CECR2: variants seen among roughly 807,000 people sequenced by gnomAD.
CECR2 encodes the protein CECR2 histone acetyl-lysine reader.
CECR2 carries 30 observed loss-of-function variants against 154.5 expected under a neutral mutation model. The ratio of observed to expected loss-of-function variants is 0.19; its 90% CI spans 0.15 to 0.26. The LOEUF is 0.26. CECR2 is among the 10% of genes least tolerant of loss of function. The pLI is 1.00. For synonymous variants in CECR2, 725 were observed against 683.7 expected (o/e 1.06, Z -0.94); for missense variants, 1,743 against 1,829.3 (o/e 0.95, Z 0.86).
chr22:17,535,743 A>T (rs1023596486), intron 9 of CECR2, among the ~76,000 whole-genome samples: 31 of 152,136 alleles, frequency 2.0e-4, no homozygotes, highest in African/African-American at 7.5e-4. Context: ...AAAAAAAATA[A>T]TTTTTAAAAA....
chr22:17,396,781 C>G (rs554954780), intron 1 of CECR2, among the ~76,000 whole-genome samples: 10 of 152,112 alleles, frequency 6.6e-5, no homozygotes, highest in Non-Finnish European at 1.0e-4. Context: ...GTAGAAAGAT[C>G]ACTTCACTGT....
intron 1 of CECR2, among the ~76,000 whole-genome samples, chr22:17,451,273 G>T (rs901145347): frequency 6.6e-6 from 1 of 152,178 alleles, no homozygotes; most frequent in Non-Finnish European, 1.5e-5. Context: ...AGGTGAAAAG[G>T]GAGACAGGGA....
chr22:17,398,192 G>A (rs2053840803), intron 1 of CECR2, among the ~76,000 whole-genome samples: 1 of 149,748 alleles, frequency 6.7e-6, no homozygotes, highest in Non-Finnish European at 1.5e-5. Context: ...TTGCATTTTG[G>A]TATAACAAAG....
intron 1 of CECR2, among the ~76,000 whole-genome samples, chr22:17,437,618 C>G (rs566649428): frequency 6.6e-6 from 1 of 152,164 alleles, no homozygotes; most frequent in Non-Finnish European, 1.5e-5. Flanking sequence ...TTACTGTAGA[C>G]ATACTTTGTA....
chr22:17,399,536 G>A (rs1167551779), intron 1 of CECR2, among the ~76,000 whole-genome samples: 2 of 151,298 alleles, frequency 1.3e-5, no homozygotes, highest in Non-Finnish European at 2.9e-5. Context: ...TCCTGCCTCA[G>A]CCTCCTGAGT....
At chr22:17,405,714 C>G (rs1013804406) in intron 1 of CECR2, among the ~76,000 whole-genome samples, 5 of 150,064 alleles carry the variant, frequency 3.3e-5, no homozygotes, top group African/African-American at 7.3e-5. Flanking sequence ...TTATATTACT[C>G]TTGTATCTGT....
rs149586819 is a variant in CECR2 at position 17,529,990 on chromosome 22, C to A, written c.1108+5719C>A. 1.9e-3 allele frequency among the ~76,000 whole-genome samples: 292 copies of A among 152,182 alleles called. 3 individuals are homozygous for A. Among genetic ancestry groups the A allele is most frequent in the African/African-American group, 6.6e-3 (274 of 41,534 alleles). ...AACAAGCTTTGTGTGACATTCTAAG[C>A]GGATTTTATTCTGCAGGTCCTTTTA... On this transcript the variant is annotated intron_variant, in intron 9 of 18. Transcript: ENST00000262608.
chr22:17,400,066 A>C (rs749630049), intron 1 of CECR2, among the ~76,000 whole-genome samples: 1 of 152,158 alleles, frequency 6.6e-6, no homozygotes, highest in African/African-American at 2.4e-5. Context: ...ATTACTTTTT[A>C]AAAAATCTGA....
At chr22:17,485,667 G>A (rs550889875) in intron 2 of CECR2, among the ~76,000 whole-genome samples, 85 of 152,238 alleles carry the variant, frequency 5.6e-4, no homozygotes, top group Non-Finnish European at 9.6e-4. Flanking sequence ...CCAGGTACTC[G>A]GGAGGCTGAG....
At chr22:17,412,807 A>G (rs889961203) in intron 1 of CECR2, among the ~76,000 whole-genome samples, 3 of 151,984 alleles carry the variant, frequency 2.0e-5, no homozygotes, top group African/African-American at 7.2e-5. Context: ...AACCATGACC[A>G]CCTTTGGCAG....
At chr22:17,398,736 A>C (rs540609896) in intron 1 of CECR2, among the ~76,000 whole-genome samples, 6 of 152,250 alleles carry the variant, frequency 3.9e-5, no homozygotes, top group African/African-American at 1.2e-4. Context: ...AATTGTGCCA[A>C]CTTATAAATT....
rs183967768 is a variant in CECR2 at position 17,491,315 on chromosome 22, G to A, written c.222-6088G>A. On this transcript the variant is annotated intron_variant, in intron 2 of 18. Coordinates refer to ENST00000262608, the MANE Select transcript of CECR2 (RefSeq NM_001290047.2). ...TGCACACTTAGCCTTCCCACCGGCC[G>A]TGTGTGAGGATTCCGTGTCTCTGCA... Among the ~76,000 whole-genome samples the A allele has an allele frequency of 1.3e-3, 202 of 152,192 alleles. 1 individual carries two copies. The highest frequency in any genetic ancestry group is 2.3e-3 in the Non-Finnish European group (159 of 67,994).
At position 17,542,449 on chromosome 22, in the gene CECR2, T is replaced by C; in HGVS notation, c.2306T>C (p.Val769Ala). The C allele has an allele frequency of 6.2e-7, 1 of 1,613,870 alleles. No individual in the cohort carries two copies. ...MYRSYKYLNR[V>A]HSAVWNGNHG... ...CGATCGTACAAGTACCTGAATCGAG[T>C]ACACTCTGCCGTCTGGAATGGGAAC... The change falls in exon 16 of 19, where the codon GTA (valine) becomes GCA (alanine). Residue 769 changes from valine to alanine, a missense_variant. Transcript: ENST00000262608.
At position 17,528,817 on chromosome 22, in the gene CECR2, T is replaced by C. The variant is rs559390388; in HGVS notation, c.1108+4546T>C. On this transcript the variant is annotated intron_variant, in intron 9 of 18. Coordinates refer to ENST00000262608, the MANE Select transcript of CECR2 (RefSeq NM_001290047.2). Reference sequence around the variant, plus strand: ...TCCCAAAGTGCTGGGAATACAAGCGTGAGCACACACCCAGCCAGAAGTACT... The same window carrying C: ...TCCCAAAGTGCTGGGAATACAAGCGCGAGCACACACCCAGCCAGAAGTACT... Among the ~76,000 whole-genome samples the C allele has an allele frequency of 2.6e-5, 4 of 152,342 alleles. No homozygotes were observed. The East Asian group carries it at 7.7e-4, about 29-fold the overall frequency.
intron 1 of CECR2, among the ~76,000 whole-genome samples, chr22:17,461,817 G>A (rs2054942843): frequency 6.7e-6 from 1 of 149,384 alleles, no homozygotes; most frequent in Non-Finnish European, 1.5e-5. Flanking sequence ...TTTTGAAATG[G>A]AGTCTCGCTC....
At chr22:17,433,798 T>G (rs1211130491) in intron 1 of CECR2, among the ~76,000 whole-genome samples, 1 of 152,138 alleles carries the variant, frequency 6.6e-6, no homozygotes. Context: ...GAATGCATTA[T>G]CAAGGAGGAG....
intron 2 of CECR2, among the ~76,000 whole-genome samples, chr22:17,479,163 G>C (rs1037702424): frequency 1.3e-5 from 2 of 152,226 alleles, no homozygotes; most frequent in Admixed American, 6.5e-5. Context: ...GTTCCTGGAA[G>C]TACATCACTC....
At chr22:17,437,619 A>T (rs150480185) in intron 1 of CECR2, among the ~76,000 whole-genome samples, 107 of 152,310 alleles carry the variant, frequency 7.0e-4, no homozygotes, top group African/African-American at 2.5e-3. Context: ...TACTGTAGAC[A>T]TACTTTGTAA....
At chr22:17,509,074 A>G (rs1215986363) in intron 7 of CECR2, among the ~76,000 whole-genome samples, 1 of 152,148 alleles carries the variant, frequency 6.6e-6, no homozygotes, top group Non-Finnish European at 1.5e-5. Flanking sequence ...AACATGGCAA[A>G]ACCCCATCTC....
Sources: gnomAD v4.1 joint callset for allele counts (sites outside exome capture counted in the v4.1 genomes callset) on GRCh38, gnomAD v4.1.1 for gene constraint, MANE v1.5 for transcripts, NCBI Gene and HGNC (gene_info 2026-07-23, HGNC 2026-07-21) for gene names.